The following PATJ variants were observed in gnomAD, a reference collection of about 807,000 sequenced individuals.
PATJ encodes inaD-like protein.
Under a neutral mutation model 224.9 loss-of-function variants are expected in PATJ, and 190 were observed. The observed-to-expected ratio is 0.84, with a 90% CI of 0.75 to 0.95. The LOEUF is 0.95. PATJ is among the 40% of genes least tolerant of loss of function. The pLI is 0.00. For missense variants in PATJ, 2,121 were observed against 2,270.3 expected, an observed-to-expected ratio of 0.93 and a Z score of 1.34; for synonymous variants, 769 against 820.3, an observed-to-expected ratio of 0.94 and a Z score of 1.07.
chr1:61,821,247 G>A (rs1034296952), intron 14 of PATJ, among the ~76,000 whole-genome samples: 1 of 151,888 alleles, frequency 6.6e-6, no homozygotes, highest in African/African-American at 2.4e-5. Context: ...GGGTTTCACC[G>A]TGTTAGCCAG....
chr1:62,058,264 T>C (rs1380114049), intron 31 of PATJ, among the ~76,000 whole-genome samples: 1 of 152,222 alleles, frequency 6.6e-6, no homozygotes, highest in Non-Finnish European at 1.5e-5. Flanking sequence ...GACATGGAAA[T>C]GCACACTGCA....
At chr1:61,869,014 G>A (rs1276872079) in intron 20 of PATJ, among the ~76,000 whole-genome samples, 3 of 152,014 alleles carry the variant, frequency 2.0e-5, no homozygotes, top group Non-Finnish European at 2.9e-5. Context: ...GGAAAGGGAG[G>A]GCAGAAAAAG....
intron 26 of PATJ, among the ~76,000 whole-genome samples, chr1:61,922,862 T>C (rs1674528292): frequency 1.3e-5 from 2 of 152,178 alleles, no homozygotes; most frequent in Admixed American, 1.3e-4. Context: ...AAAGGAAACA[T>C]ATAAGGTAAT....
At chr1:61,965,567 T>A (rs533165523) in intron 27 of PATJ, among the ~76,000 whole-genome samples, 1 of 152,174 alleles carries the variant, frequency 6.6e-6, no homozygotes. Context: ...TTTTTATTAT[T>A]TGATCCCACG....
Position 62,052,697 on chromosome 1 carries a change from A to G in PATJ, c.4125+1639A>G, listed in dbSNP as rs188153606. Among the ~76,000 whole-genome samples, 25 of 151,988 alleles carry G rather than the reference A, an allele frequency of 1.6e-4. No individual in the cohort carries two copies. The South Asian group carries it at 5.2e-3, about 32-fold the overall frequency. On this transcript the variant is annotated intron_variant, in intron 31 of 43. Coordinates refer to ENST00000642238, the MANE Select transcript of PATJ (RefSeq NM_001350145.3). ...GAGGCAGAGGTTGCGGTGAGCCAAGATCACGCCATTGCACTCCAGTTTGGG... is the reference window on the plus strand; with the variant it reads ...GAGGCAGAGGTTGCGGTGAGCCAAGGTCACGCCATTGCACTCCAGTTTGGG...
chr1:61,806,242 G>T (rs1653506857), intron 13 of PATJ, among the ~76,000 whole-genome samples: 1 of 152,118 alleles, frequency 6.6e-6, no homozygotes, highest in Non-Finnish European at 1.5e-5. Flanking sequence ...AATTAGTACT[G>T]GTTGGCTGGT....
In PATJ at chr1:62,097,971, G is replaced by C. The variant is rs75046047; in HGVS notation, c.4378-10466G>C. On this transcript the variant is annotated intron_variant, in intron 33 of 43. Coordinates refer to ENST00000642238, the MANE Select transcript of PATJ (RefSeq NM_001350145.3). ...GAATTTTAGAACTGGAATGACTTTAGAAGTCATGTAGTTCAGGCAAGGTGC... is the reference window on the plus strand; with the variant it reads ...GAATTTTAGAACTGGAATGACTTTACAAGTCATGTAGTTCAGGCAAGGTGC... Among the ~76,000 whole-genome samples, 47 of 152,248 alleles carry C rather than the reference G, an allele frequency of 3.1e-4. 2 individuals carry two copies. In the East Asian group the frequency reaches 9.1e-3, roughly 29 times the overall value.
At chr1:62,044,410 T>C (rs188187848) in intron 30 of PATJ, among the ~76,000 whole-genome samples, 215 of 152,260 alleles carry the variant, frequency 1.4e-3, no homozygotes, top group African/African-American at 5.0e-3. Context: ...AATGAAACAA[T>C]CTGATCAAGG....
At chr1:62,006,835 C>T (rs34394793) in intron 28 of PATJ, among the ~76,000 whole-genome samples, 24,311 of 152,060 alleles carry the variant, frequency 0.16, 2,188 homozygotes, top group Non-Finnish European at 0.21. Flanking sequence ...CTGAGAAATG[C>T]GTCACTGAGT....
chr1:62,119,428 C>A (rs1303607682), intron 37 of PATJ, among the ~76,000 whole-genome samples: 1 of 152,140 alleles, frequency 6.6e-6, no homozygotes, highest in African/African-American at 2.4e-5. Flanking sequence ...TCAATGCCTT[C>A]TTTTGAGCGC....
At chr1:61,914,503 A>G (rs1673148250) in intron 25 of PATJ, 84 bp from the exon 26 acceptor site, 3 of 643,170 alleles carry the variant, frequency 4.7e-6, no homozygotes, top group South Asian at 3.9e-5. Context: ...AAAATTCTCC[A>G]TTGTGGAATG....
At chr1:61,781,724 G>C (rs1647374345) in intron 7 of PATJ, among the ~76,000 whole-genome samples, 1 of 152,152 alleles carries the variant, frequency 6.6e-6, no homozygotes. Context: ...TAGTCCCCAA[G>C]ACCACTAGAT....
chr1:61,862,754 T>C (rs769288601), intron 19 of PATJ, among the ~76,000 whole-genome samples: 1 of 152,112 alleles, frequency 6.6e-6, no homozygotes, highest in Non-Finnish European at 1.5e-5. Flanking sequence ...TTTTAGAAAA[T>C]TTATTTTGAA....
At chr1:61,859,513 A>G (rs1045409503) in intron 18 of PATJ, among the ~76,000 whole-genome samples, 3 of 152,094 alleles carry the variant, frequency 2.0e-5, no homozygotes, top group African/African-American at 7.2e-5. Flanking sequence ...GGAACCAGGC[A>G]TGGATCTTCT....
chr1:62,002,763 G>A (rs1569906523), intron 28 of PATJ, among the ~76,000 whole-genome samples: 1 of 151,178 alleles, frequency 6.6e-6, no homozygotes, highest in Admixed American at 6.6e-5. Context: ...TTGGAAGGGA[G>A]CACAGTTAGG....
intron 28 of PATJ, among the ~76,000 whole-genome samples, chr1:61,995,428 T>A (rs1226162895): frequency 6.6e-6 from 1 of 152,336 alleles, no homozygotes; most frequent in African/African-American, 2.4e-5. Context: ...TAGATGAGGT[T>A]AATTTATAGA....
At chr1:61,930,945 C>T (rs1421668671) in intron 27 of PATJ, among the ~76,000 whole-genome samples, 7 of 152,094 alleles carry the variant, frequency 4.6e-5, no homozygotes, top group Middle Eastern at 3.2e-3. Context: ...TCAGGTGATC[C>T]GCCCGCCTCG....
chr1:61,998,968 A>G (rs1645580150), intron 28 of PATJ, among the ~76,000 whole-genome samples: 1 of 152,136 alleles, frequency 6.6e-6, no homozygotes, highest in Non-Finnish European at 1.5e-5. Flanking sequence ...AGTCCTCATT[A>G]TTGCTCACAC....
chr1:62,132,597 T>C (rs1173333981), intron 41 of PATJ, among the ~76,000 whole-genome samples: 1 of 152,088 alleles, frequency 6.6e-6, no homozygotes. Flanking sequence ...TAGAATCATT[T>C]TGACTTTTTA....
Sources: allele counts gnomAD v4.1 joint callset (sites outside exome capture counted in the v4.1 genomes callset), GRCh38; gene constraint gnomAD v4.1.1; transcripts MANE v1.5; gene names NCBI Gene and HGNC (gene_info 2026-07-23, HGNC 2026-07-21).